Variants in ENG observed in about 807,000 individuals in gnomAD.
ENG encodes CD105 antigen.
In ENG, 17 loss-of-function variants were observed where a neutral mutation model predicts 71.0. That is an observed-to-expected ratio of 0.24 (90% CI 0.16 to 0.36). The LOEUF (loss-of-function observed/expected upper bound fraction) is 0.36, where lower values mean the gene tolerates loss of function less well. Among genes scored for constraint, ENG ranks in the 10% least tolerant of loss-of-function variants. The pLI is 1.00. For synonymous variants in ENG, 360 were observed against 366.9 expected, an observed-to-expected ratio of 0.98 and a Z score of 0.21; for missense variants, 749 against 868.3, an observed-to-expected ratio of 0.86 and a Z score of 1.73.
intron 12 of ENG, 138 bp from the exon 13 acceptor site, chr9:127,817,341 T>C (rs1393105405): frequency 2.4e-6 from 2 of 837,856 alleles, no homozygotes; most frequent in Non-Finnish European, 4.0e-6. Flanking sequence ...TGGATGCCTC[T>C]GGGTGAGTCC....
intron 1 of ENG, among the ~76,000 whole-genome samples, chr9:127,853,515 C>A (rs1829082152): frequency 6.6e-6 from 1 of 152,154 alleles, no homozygotes; most frequent in African/African-American, 2.4e-5. Flanking sequence ...AGGCCATGAC[C>A]CCTTGGAAGA....
chr9:127,815,557 T>C lies in ENG; in HGVS notation c.*125A>G. The C allele has an allele frequency of 6.9e-7, 1 of 1,450,796 alleles. No individual in the cohort carries two copies. Among genetic ancestry groups the C allele is most frequent in the African/African-American group, 1.4e-5 (1 of 70,938 alleles). 89.9% of individuals were successfully genotyped at this position (1,450,796 alleles called of 1,614,324 possible). A position where few individuals can be genotyped will look rare whatever the true frequency, so the allele number is the denominator to read the frequency against. On this transcript the variant is annotated 3_prime_UTR_variant, in exon 15 of 15. Transcript: ENST00000373203. ...GCCTCTGAGAGGGAGGCGGGAAGGGTAGGCGCGGAGAGCAGGCTCCATTCT... is the reference window on the plus strand; with the variant it reads ...GCCTCTGAGAGGGAGGCGGGAAGGGCAGGCGCGGAGAGCAGGCTCCATTCT...
chr9:127,852,085 G>A (rs544496253), intron 1 of ENG, among the ~76,000 whole-genome samples: 2 of 152,324 alleles, frequency 1.3e-5, no homozygotes, highest in African/African-American at 4.8e-5. Context: ...GTGTTCATAT[G>A]ACTCTGCCTT....
intron 1 of ENG, among the ~76,000 whole-genome samples, chr9:127,843,669 AG>A (rs1831096864): frequency 8.6e-6 from 1 of 115,680 alleles, no homozygotes; most frequent in Non-Finnish European, 1.8e-5. Context: ...ACATATACAT[AG>A]ATCTACATAT....
In ENG at chr9:127,815,552, A is replaced by G; in HGVS notation, c.*130T>C. On this transcript the variant is annotated 3_prime_UTR_variant, in exon 15 of 15. Coordinates refer to ENST00000373203, the MANE Select transcript of ENG (RefSeq NM_001114753.3). Reference sequence around the variant, plus strand: ...AGCAGGCCTCTGAGAGGGAGGCGGGAAGGGTAGGCGCGGAGAGCAGGCTCC... The same window carrying G: ...AGCAGGCCTCTGAGAGGGAGGCGGGGAGGGTAGGCGCGGAGAGCAGGCTCC... 6.9e-7 allele frequency: 1 copy of G among 1,440,410 alleles called. No homozygotes were observed. The allele number at this position is 1,440,410 out of a possible 1,614,324, so 89.2% of individuals were successfully genotyped here.
chr9:127,829,640 C>A, intron 3 of ENG, 47 bp downstream of exon 3: 1 of 1,611,646 alleles, frequency 6.2e-7, no homozygotes. Flanking sequence ...CAGTAGGGAC[C>A]TCCCATGGCC....
chr9:127,816,804 C>T, intron 13 of ENG: 1 of 417,110 alleles, frequency 2.4e-6, no homozygotes, highest in Non-Finnish European at 4.5e-6. Flanking sequence ...AGGCCAGCAC[C>T]CACCCTCAAA....
chr9:127,825,940 G>A, intron 4 of ENG, 80 bp from the exon 5 acceptor site: 1 of 1,528,450 alleles, frequency 6.5e-7, no homozygotes, highest in Non-Finnish European at 8.9e-7. Context: ...CACAGCCAAA[G>A]ATAGTGGTGG....
At chr9:127,849,900 T>C (rs1473615218) in intron 1 of ENG, among the ~76,000 whole-genome samples, 1 of 152,132 alleles carries the variant, frequency 6.6e-6, no homozygotes, top group Non-Finnish European at 1.5e-5. Flanking sequence ...GCAGAAAGAG[T>C]ATCTCCTTTG....
rs1314698678 is a variant in ENG at position 127,815,792 on chromosome 9, G to A, written c.1867C>T (p.Arg623Trp). 8.4e-6 allele frequency: 13 copies of A among 1,545,776 alleles called. No homozygotes were observed. The highest frequency in any genetic ancestry group is 1.2e-5 in the South Asian group (1 of 83,956). ...IYSHTRSPSK[R>W]EPVVAVAAPA... Reference sequence around the variant, plus strand: ...GCAGCCACCGCCACCACGGGCTCCCGCTTGCTGGGGGAACCTGGGAGCGGG... The same window carrying A: ...GCAGCCACCGCCACCACGGGCTCCCACTTGCTGGGGGAACCTGGGAGCGGG... Residue 623 changes from arginine (R) to tryptophan (W), a missense_variant, in exon 15 of 15, where the codon CGG (arginine) becomes TGG (tryptophan). Transcript: ENST00000373203.
rs1328360771 is a variant in ENG, at chr9:127,826,664, G to C, written c.369C>G (p.Ser123Arg). 6.2e-7 allele frequency: 1 copy of C among 1,613,684 alleles called. No homozygotes were observed. The highest frequency in any genetic ancestry group is 8.5e-7 in the Non-Finnish European group (1 of 1,179,988). Residue 123 changes from serine to arginine, a missense_variant, in exon 4 of 15, where the codon AGC becomes AGG. Coordinates refer to ENST00000373203, the MANE Select transcript of ENG (RefSeq NM_001114753.3). ...GIPLHLAYNS[S>R]LVTFQEPPGV... ...CCGGGGGCTCTTGGAAGGTGACCAG[G>C]CTGGAATTCTGGGGAGACATGTGGA... is the stretch of plus-strand genomic sequence containing the variant.
rs756604495 is a variant in ENG at position 127,825,782 on chromosome 9, G to T, written c.602C>A (p.Pro201Gln). 5.6e-6 allele frequency: 9 copies of T among 1,595,378 alleles called. No homozygotes were observed. In the African/African-American group the frequency reaches 1.2e-4, roughly 21 times the overall value. Reference sequence around the variant, plus strand: ...CAAGTGGCAGCCCCGGACCAAGGCTGGAGTACGCGGCCGCCACTCGAGCGT... The same window carrying T: ...CAAGTGGCAGCCCCGGACCAAGGCTTGAGTACGCGGCCGCCACTCGAGCGT... ...GRTLEWRPRTPALVRGCHLEG... is the reference protein window; with the variant it reads ...GRTLEWRPRTQALVRGCHLEG... Residue 201 changes from proline to glutamine, a missense_variant, in exon 5 of 15, where the codon CCA becomes CAA. Pro to Gln is a moderately conservative substitution (Grantham distance 76). Transcript: ENST00000373203.
At position 127,824,440 on chromosome 9, in the gene ENG, C is replaced by T. The variant is rs1313580853; in HGVS notation, c.998G>A (p.Arg333Lys). Residue 333 changes from arginine (R) to lysine (K), a missense_variant, in exon 8 of 15, where the codon AGG becomes AAG. Arg to Lys is a conservative substitution (Grantham distance 26). Transcript: ENST00000373203. ...VSLHASSCGG[R>K]LQTSPAPIQT... ...GATCGGTGCGGGTGAGGTCTGCAGC[C>T]TACCACCTGTGGGGTAGCAGAGGCA... 1.9e-6 allele frequency: 3 copies of T among 1,613,370 alleles called. No homozygotes were observed. The highest frequency in any genetic ancestry group is 1.3e-5 in the African/African-American group (1 of 74,742).
intron 5 of ENG, 144 bp downstream of exon 5, chr9:127,825,551 C>T (rs1018094837): frequency 3.9e-5 from 48 of 1,234,318 alleles, no homozygotes; most frequent in Middle Eastern, 2.8e-4. Flanking sequence ...TAGGAGAAAG[C>T]GACTGTGCTC....
chr9:127,829,851 C>T, intron 2 of ENG, 24 bp from the exon 3 acceptor site: 1 of 1,613,562 alleles, frequency 6.2e-7, no homozygotes, highest in African/African-American at 1.3e-5. Flanking sequence ...AGGAGAGACA[C>T]ACACAGTCCA....
chr9:127,833,961 T>C (rs1380457351), intron 2 of ENG, among the ~76,000 whole-genome samples: 5 of 152,256 alleles, frequency 3.3e-5, no homozygotes, highest in African/African-American at 1.2e-4. Context: ...TTTAGGCTCC[T>C]CAAGTGAAGC....
At chr9:127,854,241 C>T (rs539448128) in intron 1 of ENG, 48 bp downstream of exon 1, 14 of 1,540,840 alleles carry the variant, frequency 9.1e-6, no homozygotes, top group South Asian at 7.1e-5. Context: ...GGGCCTGGTC[C>T]GTGCACCGGA....
At chr9:127,839,611 A>C (rs1417559401) in intron 2 of ENG, among the ~76,000 whole-genome samples, 1 of 152,146 alleles carries the variant, frequency 6.6e-6, no homozygotes, top group African/African-American at 2.4e-5. Context: ...GCTGGAGTGC[A>C]GTGGTGCGAA....
chr9:127,816,024 C>T lies in ENG; in HGVS notation c.1771G>A (p.Ala591Thr), dbSNP rs200080694. Residue 591 changes from alanine (A) to threonine (T), a missense_variant, in exon 14 of 15, where the codon GCC becomes ACC. Physicochemically the swap from Ala to Thr is moderately conservative, Grantham distance 58. Transcript: ENST00000373203. The stretch of plus-strand genomic sequence containing the variant: ...GCACCAAAGGTGATGCCCAGCACGG[C>T]GGGCAGGACGAGGCCTTTGCTTGTG... ...GCTSKGLVLP[A>T]VLGITFGAFL... is the part of the protein sequence containing the mutation. 1.6e-5 allele frequency: 26 copies of T among 1,610,604 alleles called. No individual in the cohort carries two copies. The highest frequency in any genetic ancestry group is 2.2e-5 in the East Asian group (1 of 44,810).
Sources: gnomAD v4.1 joint callset for allele counts (sites outside exome capture counted in the v4.1 genomes callset) on GRCh38, gnomAD v4.1.1 for gene constraint, MANE v1.5 for transcripts, NCBI Gene and HGNC (gene_info 2026-07-23, HGNC 2026-07-21) for gene names.